KIF7: variants seen among roughly 807,000 people sequenced by gnomAD.
KIF7 encodes kinesin-like protein KIF7.
In KIF7, 104 loss-of-function variants were observed where a neutral mutation model predicts 135.7. That is an observed-to-expected ratio of 0.77 (90% CI 0.65 to 0.90). KIF7 has a LOEUF of 0.90. Ranked by LOEUF, KIF7 falls within the 40% of genes least tolerant of loss-of-function variation. The probability of loss-of-function intolerance (pLI) is 0.00; values close to 1 mark genes in which losing one functional copy is unlikely to be tolerated. For synonymous variants in KIF7, 883 were observed against 809.4 expected, an observed-to-expected ratio of 1.09 and a Z score of -1.54; for missense variants, 2,005 against 1,839.1, an observed-to-expected ratio of 1.09 and a Z score of -1.65.
downstream of KIF7, chr15:89,627,503 CTG>C (rs1341508930): frequency 6.9e-5 from 13 of 188,310 alleles, no homozygotes; most frequent in African/African-American, 2.1e-4. Context: ...GCTTTGTAAA[CTG>C]TGAAGCCATA....
At chr15:89,648,893 G>A in intron 4 of KIF7, 81 bp downstream of exon 4, 2 of 1,462,114 alleles carry the variant, frequency 1.4e-6, no homozygotes, top group East Asian at 2.5e-5. Flanking sequence ...CAGGGGACCT[G>A]GGCTTCCACC....
At chr15:89,625,120 G>A, downstream of KIF7, 2 of 1,613,924 alleles carry the variant, frequency 1.2e-6, no homozygotes, top group South Asian at 2.2e-5. Flanking sequence ...CTTCCTCCCT[G>A]CTCTCAGCAT....
At position 89,629,103 on chromosome 15, in the gene KIF7, T is replaced by C. The variant is rs1440650228; in HGVS notation, c.3537A>G (p.Leu1179=). 1.2e-6 allele frequency: 2 copies of C among 1,607,626 alleles called. No individual in the cohort carries two copies. The highest frequency in any genetic ancestry group is 3.4e-5 in the Admixed American group (2 of 59,204). ...CCTCATACTGCCTCCTGCTGTCTGCTAACCCTTCACCGAGGTGGTCTAGAG... is the reference window on the plus strand; with the variant it reads ...CCTCATACTGCCTCCTGCTGTCTGCCAACCCTTCACCGAGGTGGTCTAGAG... ...QQSRDHLGEG[L]ADSRRQYEAR... Residue 1179 remains leucine (L), a synonymous_variant, in exon 18 of 19, where the codon TTA becomes TTG. Coordinates refer to ENST00000394412, the MANE Select transcript of KIF7 (RefSeq NM_198525.3).
chr15:89,632,034 T>C (rs1244379609), intron 14 of KIF7, among the ~76,000 whole-genome samples: 2 of 152,152 alleles, frequency 1.3e-5, no homozygotes, highest in Admixed American at 6.5e-5. Flanking sequence ...TGGACAGTGA[T>C]AGGAATTGGC....
rs1567057019 is a variant in KIF7, at chr15:89,629,123, C to G, written c.3518-1G>C. On this transcript the variant is annotated splice_acceptor_variant, in intron 17 of 18. Transcript: ENST00000394412. LOFTEE classifies it high-confidence loss of function. ...TCTGCTAACCCTTCACCGAGGTGGT[C>G]TAGAGTGGAAAGGTCGAGGAGAGGG... The G allele has an allele frequency of 1.2e-6, 2 of 1,603,088 alleles. No individual in the cohort carries two copies. The highest frequency in any genetic ancestry group is 1.7e-6 in the Non-Finnish European group (2 of 1,175,960).
At chr15:89,632,774 C>T in intron 14 of KIF7, 46 bp downstream of exon 14, 1 of 1,582,044 alleles carries the variant, frequency 6.3e-7, no homozygotes, top group Non-Finnish European at 8.5e-7. Context: ...CTGGACCTCA[C>T]TTCACTGGAC....
At chr15:89,641,032 G>C (rs766649484) in intron 11 of KIF7, among the ~76,000 whole-genome samples, 2 of 151,932 alleles carry the variant, frequency 1.3e-5, no homozygotes, top group Non-Finnish European at 2.9e-5. Context: ...CAACAGGATG[G>C]AGACCGTGAT....
downstream of KIF7, chr15:89,624,662 C>T: frequency 6.2e-7 from 1 of 1,614,092 alleles, no homozygotes; most frequent in South Asian, 1.1e-5. Context: ...GATTGGCATG[C>T]ATCCTCTCCT....
chr15:89,649,518 G>C (rs1020874277), intron 3 of KIF7, among the ~76,000 whole-genome samples, 151 bp from the exon 4 acceptor site: 9 of 152,140 alleles, frequency 5.9e-5, no homozygotes, highest in African/African-American at 2.2e-4. Flanking sequence ...CCTAGTTCCG[G>C]CTTGAGGGGC....
chr15:89,619,626 A>C, intron 1 of KIF7: 1 of 1,493,414 alleles, frequency 6.7e-7, no homozygotes, highest in Non-Finnish European at 9.0e-7. Flanking sequence ...TACTATGTAA[A>C]TTTTGCCCGG....
At chr15:89,625,609 C>G, downstream of KIF7, 1 of 1,613,096 alleles carries the variant, frequency 6.2e-7, no homozygotes, top group Non-Finnish European at 8.5e-7. Context: ...TTCCTGGGGA[C>G]AGTTTGGGTT....
Position 89,633,748 on chromosome 15 carries a change from C to G in KIF7, c.2530G>C (p.Glu844Gln), listed in dbSNP as rs760348444. Residue 844 changes from glutamate to glutamine, a missense_variant, in exon 12 of 19, where the codon GAG becomes CAG. By Grantham distance (29) the Glu-to-Gln change is conservative. Coordinates refer to ENST00000394412, the MANE Select transcript of KIF7 (RefSeq NM_198525.3). ...QQGQLQRRLR[E>Q]ETEQKRRLEA... ...AGGCGCCGCTTCTGCTCCGTCTCCT[C>G]GCGAAGCCGCCTCTGCAGCTGTCCC... 10 of 1,609,662 alleles carry G rather than the reference C, an allele frequency of 6.2e-6. No homozygotes were observed. Among genetic ancestry groups the G allele is most frequent in the Non-Finnish European group, 8.5e-6 (10 of 1,179,902 alleles).
In KIF7 at chr15:89,648,276, C is replaced by T. The variant is rs781285831; in HGVS notation, c.1422G>A (p.Ala474=). The change falls in exon 5 of 19, where the codon GCG becomes GCA. Residue 474 remains alanine (A), a synonymous_variant. Coordinates refer to ENST00000394412, the MANE Select transcript of KIF7 (RefSeq NM_198525.3). ...CCACCTTTCGCCCGCCGGCCCCCTGCGCCGCCTGGTCCTCGACGGAGGCGC... is the reference window on the plus strand; with the variant it reads ...CCACCTTTCGCCCGCCGGCCCCCTGTGCCGCCTGGTCCTCGACGGAGGCGC... ...IESASVEDQA[A]QGAGGRKEDE... is the part of the protein sequence containing the mutation. The T allele has an allele frequency of 4.5e-5, 68 of 1,519,202 alleles. No individual in the cohort carries two copies. The African/African-American group carries it at 8.5e-4, about 19-fold the overall frequency. The allele number at this position is 1,519,202 out of a possible 1,614,324, so 94.1% of individuals were successfully genotyped here.
downstream of KIF7, chr15:89,625,710 TAAG>T: frequency 6.2e-7 from 1 of 1,612,878 alleles, no homozygotes; most frequent in Non-Finnish European, 8.5e-7. Context: ...CAGAAGTTAG[TAAG>T]AGTAAAGAGG....
At chr15:89,651,075 A>AC (rs1297427541) in intron 2 of KIF7, among the ~76,000 whole-genome samples, 1 of 151,440 alleles carries the variant, frequency 6.6e-6, no homozygotes, top group African/African-American at 2.4e-5. Flanking sequence ...GGGATTATAG[A>AC]CCCCCACCAC....
intron 11 of KIF7, among the ~76,000 whole-genome samples, chr15:89,635,105 C>T (rs1471332162): frequency 2.0e-5 from 3 of 151,750 alleles, no homozygotes; most frequent in Admixed American, 2.0e-4. Context: ...AACAGACCTG[C>T]AGCTGAGGGT....
upstream of KIF7, among the ~76,000 whole-genome samples, chr15:89,660,310 C>G (rs1335353909): frequency 6.6e-6 from 1 of 152,202 alleles, no homozygotes; most frequent in Admixed American, 6.5e-5. Context: ...TTTAGGACTT[C>G]TGATTTTTAA....
At chr15:89,647,522 T>G in intron 6 of KIF7, 74 bp downstream of exon 6, 4 of 1,343,540 alleles carry the variant, frequency 3.0e-6, no homozygotes, top group Non-Finnish European at 3.2e-6. Flanking sequence ...CCTCCCATCC[T>G]GAGAAACTCA....
At chr15:89,642,103 G>A in intron 11 of KIF7, 100 bp downstream of exon 11, 1 of 1,265,122 alleles carries the variant, frequency 7.9e-7, no homozygotes, top group South Asian at 1.3e-5. Context: ...AGGTTCCACA[G>A]TGAACTTGGG....
Sources: allele counts gnomAD v4.1 joint callset (sites outside exome capture counted in the v4.1 genomes callset), GRCh38; gene constraint gnomAD v4.1.1; transcripts MANE v1.5; gene names NCBI Gene and HGNC (gene_info 2026-07-23, HGNC 2026-07-21).